The following BRINP3 variants were observed in gnomAD, a reference collection of about 807,000 sequenced individuals.
BRINP3 encodes the protein BMP/retinoic acid-inducible neural-specific protein 3.
In BRINP3, 19 loss-of-function variants were observed where a neutral mutation model predicts 71.0. That is an observed-to-expected ratio of 0.27 (90% confidence interval 0.19 to 0.39). The LOEUF (loss-of-function observed/expected upper bound fraction) is 0.39, where lower values mean the gene tolerates loss of function less well. Among genes scored for constraint, BRINP3 ranks in the 10% least tolerant of loss-of-function variants. The pLI, the probability that BRINP3 is intolerant of heterozygous loss-of-function variation, is 1.00. For missense variants in BRINP3, 959 were observed against 940.8 expected (o/e 1.02, Z -0.25); for synonymous variants, 380 against 337.7 (o/e 1.13, Z -1.37).
At chr1:190,130,970 G>A (rs1271728530) in intron 7 of BRINP3, among the ~76,000 whole-genome samples, 2 of 151,782 alleles carry the variant, frequency 1.3e-5, no homozygotes, top group Non-Finnish European at 2.9e-5. Flanking sequence ...GTATAATCCT[G>A]CTCCCTATGC....
intron 2 of BRINP3, among the ~76,000 whole-genome samples, chr1:190,441,845 A>G (rs1343034374): frequency 6.6e-6 from 1 of 152,078 alleles, no homozygotes; most frequent in Admixed American, 6.5e-5. Context: ...AACATTGAAG[A>G]GATAGAATTG....
intron 2 of BRINP3, among the ~76,000 whole-genome samples, chr1:190,339,128 G>A (rs1667487193): frequency 6.6e-6 from 1 of 151,860 alleles, no homozygotes; most frequent in Admixed American, 6.6e-5. Flanking sequence ...CTCAGCACAG[G>A]TTAATTTGCC....
At chr1:190,449,291 G>A (rs532759759) in intron 2 of BRINP3, among the ~76,000 whole-genome samples, 44 of 151,528 alleles carry the variant, frequency 2.9e-4, no homozygotes, top group Admixed American at 7.2e-4. Flanking sequence ...TTTTCTTGCC[G>A]TATGGTCTTC....
intron 2 of BRINP3, among the ~76,000 whole-genome samples, chr1:190,394,698 TC>T (rs1426592110): frequency 6.6e-6 from 1 of 151,678 alleles, no homozygotes; most frequent in Non-Finnish European, 1.5e-5. Flanking sequence ...ATACGTTTTT[TC>T]TAAATATACT....
intron 7 of BRINP3, among the ~76,000 whole-genome samples, chr1:190,118,841 T>C (rs1233074626): frequency 1.3e-5 from 2 of 152,166 alleles, no homozygotes; most frequent in African/African-American, 4.8e-5. Flanking sequence ...AATAGGGAAA[T>C]AGAGAAAACC....
intron 6 of BRINP3, among the ~76,000 whole-genome samples, chr1:190,177,400 G>A (rs1236575623): frequency 7.2e-6 from 1 of 139,264 alleles, no homozygotes; most frequent in Non-Finnish European, 1.5e-5. Flanking sequence ...GGATGGTCTC[G>A]ATCTCCTGAC....
chr1:190,174,102 C>T (rs202245663), intron 6 of BRINP3, among the ~76,000 whole-genome samples: 1 of 152,130 alleles, frequency 6.6e-6, no homozygotes, highest in Admixed American at 6.6e-5. Flanking sequence ...CAAAGAATAA[C>T]AAAATAATCA....
chr1:190,294,361 G>A lies in BRINP3; in HGVS notation c.237-12611C>T, dbSNP rs566854891. The stretch of plus-strand genomic sequence containing the variant: ...GCAGACTCGATTTCCCAGGTCTCAA[G>A]TGATCCTCCCAGCTCAGCCTCCTGA... On this transcript the variant is annotated intron_variant, in intron 2 of 7. Coordinates refer to ENST00000367462, the MANE Select transcript of BRINP3 (RefSeq NM_199051.3). Among the ~76,000 whole-genome samples the A allele has an allele frequency of 7.3e-5, 11 of 151,334 alleles. No individual in the cohort carries two copies. In the East Asian group the frequency reaches 9.8e-4, roughly 13 times the overall value.
chr1:190,267,511 T>C (rs1015538376), intron 3 of BRINP3, among the ~76,000 whole-genome samples: 8 of 151,408 alleles, frequency 5.3e-5, no homozygotes, highest in African/African-American at 1.7e-4. Flanking sequence ...ATGAGTTAAC[T>C]ACATGATTCT....
At chr1:190,357,363 T>C (rs1303004584) in intron 2 of BRINP3, among the ~76,000 whole-genome samples, 1 of 152,024 alleles carries the variant, frequency 6.6e-6, no homozygotes, top group African/African-American at 2.4e-5. Context: ...GAACTTCGAT[T>C]ATAGTATTGC....
chr1:190,354,096 A>C (rs1168573893), intron 2 of BRINP3, among the ~76,000 whole-genome samples: 2 of 151,796 alleles, frequency 1.3e-5, no homozygotes, highest in African/African-American at 4.8e-5. Flanking sequence ...CCCTTCCCTC[A>C]CCAGATGTTT....
chr1:190,303,679 G>T (rs1345743719), intron 2 of BRINP3, among the ~76,000 whole-genome samples: 1 of 151,660 alleles, frequency 6.6e-6, no homozygotes. Flanking sequence ...TCAGTTAAAA[G>T]TCAGTAAAGC....
intron 6 of BRINP3, among the ~76,000 whole-genome samples, chr1:190,204,081 T>C (rs866958020): frequency 4.3e-4 from 66 of 151,810 alleles, no homozygotes; most frequent in African/African-American, 1.4e-3. Flanking sequence ...AGATTTTGTA[T>C]TGATTTCAAA....
chr1:190,469,744 G>A (rs2102702053), intron 1 of BRINP3, among the ~76,000 whole-genome samples: 1 of 150,912 alleles, frequency 6.6e-6, no homozygotes, highest in African/African-American at 2.4e-5. Flanking sequence ...AACAGAAGGG[G>A]CTTTGGTGAG....
intron 7 of BRINP3, 119 bp from the exon 8 acceptor site, chr1:190,099,253 A>T: frequency 1.1e-6 from 1 of 934,164 alleles, no homozygotes; most frequent in Non-Finnish European, 1.6e-6. Context: ...CCAGTAATTT[A>T]AATGAAATAA....
chr1:190,148,438 A>C (rs1656089557), intron 7 of BRINP3, among the ~76,000 whole-genome samples: 1 of 149,856 alleles, frequency 6.7e-6, no homozygotes, highest in Non-Finnish European at 1.5e-5. Context: ...CTAAAAATAC[A>C]AAAAAAAACT....
chr1:190,444,737 T>G (rs1675093667), intron 2 of BRINP3, among the ~76,000 whole-genome samples: 1 of 152,080 alleles, frequency 6.6e-6, no homozygotes, highest in South Asian at 2.1e-4. Context: ...GGTTTCACCA[T>G]ATTTGCCAGA....
At chr1:190,153,369 G>A (rs1332669198) in intron 7 of BRINP3, among the ~76,000 whole-genome samples, 13 of 151,896 alleles carry the variant, frequency 8.6e-5, no homozygotes, top group Admixed American at 8.5e-4. Context: ...CAAGAAAAGG[G>A]GTTTTCTGTT....
intron 6 of BRINP3, among the ~76,000 whole-genome samples, chr1:190,207,839 T>G (rs2102638640): frequency 6.6e-6 from 1 of 152,262 alleles, no homozygotes; most frequent in Non-Finnish European, 1.5e-5. Flanking sequence ...ATTATGATCC[T>G]TAAAAGTAAC....
Sources: allele counts gnomAD v4.1 joint callset (sites outside exome capture counted in the v4.1 genomes callset), GRCh38; gene constraint gnomAD v4.1.1; transcripts MANE v1.5; gene names NCBI Gene and HGNC (gene_info 2026-07-23, HGNC 2026-07-21).